Variants in ANAPC15 observed in about 807,000 individuals in gnomAD.
ANAPC15 encodes the protein anaphase-promoting complex subunit 15.
Under a neutral mutation model 19.8 loss-of-function variants are expected in ANAPC15, and 13 were observed. That is an observed-to-expected ratio of 0.66 (90% CI 0.43 to 1.04). ANAPC15 has a LOEUF of 1.04. Among genes scored for constraint, ANAPC15 ranks in the 50% least tolerant of loss-of-function variants. The pLI, the probability that ANAPC15 is intolerant of heterozygous loss-of-function variation, is 0.00. For synonymous variants in ANAPC15, 45 were observed against 50.7 expected (o/e 0.89, Z 0.47); for missense variants, 88 against 150.3 (o/e 0.59, Z 2.17).
chr11:72,107,127 T>G, downstream of ANAPC15: 1 of 345,254 alleles, frequency 2.9e-6, no homozygotes, highest in Non-Finnish European at 5.2e-6. Context: ...ATTAGCCGGG[T>G]GTGGTGGTGA....
downstream of ANAPC15, chr11:72,108,834 G>A (rs1005768038): frequency 1.1e-5 from 17 of 1,550,420 alleles, no homozygotes; most frequent in Middle Eastern, 1.7e-4. Context: ...AGCTGTGGCC[G>A]CTACCGCTGC....
At chr11:72,108,140 A>G (rs547513437), downstream of ANAPC15, 4 of 1,473,710 alleles carry the variant, frequency 2.7e-6, no homozygotes, top group East Asian at 7.5e-5. Context: ...CATCTCCCCA[A>G]CCCAGATTTT....
In ANAPC15 at chr11:72,111,306, G is replaced by C; in HGVS notation, c.-10-20C>G. The C allele has an allele frequency of 6.4e-7, 1 of 1,554,618 alleles. No individual in the cohort carries two copies. The highest frequency in any genetic ancestry group is 8.9e-7 in the Non-Finnish European group (1 of 1,127,298). On this transcript the variant is annotated intron_variant, in intron 2 of 5. Coordinates refer to ENST00000227618, the MANE Select transcript of ANAPC15 (RefSeq NM_014042.3). The stretch of plus-strand genomic sequence containing the variant: ...CCTAGACTGAGGGAAAGGGTCAAGT[G>C]AATGTGTTTTGCTTTGTTTTTGTTT...
chr11:72,108,531 C>G (rs919030245), downstream of ANAPC15: 15 of 1,349,842 alleles, frequency 1.1e-5, no homozygotes, highest in African/African-American at 1.5e-5. Flanking sequence ...ATGAAGTAAG[C>G]CAGATCCTGG....
chr11:72,110,485 G>A (rs1946471430), intron 4 of ANAPC15, 59 bp downstream of exon 4: 1 of 1,605,504 alleles, frequency 6.2e-7, no homozygotes, highest in South Asian at 1.1e-5. Context: ...TTCAGAATTA[G>A]AGCAGAGCCT....
chr11:72,107,990 T>G, downstream of ANAPC15: 2 of 1,551,754 alleles, frequency 1.3e-6, no homozygotes, highest in Non-Finnish European at 1.7e-6. Context: ...GAACCTACTG[T>G]GGATACTCTA....
In ANAPC15 at chr11:72,109,780, C is replaced by T; in HGVS notation, c.*101G>A. On this transcript the variant is annotated 3_prime_UTR_variant, in exon 6 of 6. Coordinates refer to ENST00000227618, the MANE Select transcript of ANAPC15 (RefSeq NM_014042.3). ...AGGTGCCCAAGGGCACTTTCAGGCA[C>T]TGGGGCCATCAGCTGGTTCTGTGGG... 2 of 1,485,456 alleles carry T rather than the reference C, an allele frequency of 1.3e-6. No homozygotes were observed. The highest frequency in any genetic ancestry group is 2.3e-5 in the East Asian group (1 of 44,300). The allele number at this position is 1,485,456 out of a possible 1,614,324, so 92.0% of individuals were successfully genotyped here.
chr11:72,110,442 G>A lies in ANAPC15; in HGVS notation c.180+102C>T, dbSNP rs1435647188. On this transcript the variant is annotated intron_variant, in intron 4 of 5. Coordinates refer to ENST00000227618, the MANE Select transcript of ANAPC15 (RefSeq NM_014042.3). ...CTTTTAGGCTTTTACCCAGATCTGAGAACCACAACTGCTCTGGGTCAGAGA... is the reference window on the plus strand; with the variant it reads ...CTTTTAGGCTTTTACCCAGATCTGAAAACCACAACTGCTCTGGGTCAGAGA... 1.4e-5 allele frequency: 22 copies of A among 1,559,466 alleles called. No homozygotes were observed. The East Asian group carries it at 4.7e-4, about 33-fold the overall frequency.
chr11:72,107,415 A>G (rs769242123), downstream of ANAPC15: 10 of 700,694 alleles, frequency 1.4e-5, no homozygotes, highest in Non-Finnish European at 2.6e-5. Context: ...CTTCATGGAG[A>G]AAGAGCAACA....
downstream of ANAPC15, chr11:72,109,570 T>C (rs879214664): frequency 1.2e-5 from 6 of 481,722 alleles, no homozygotes; most frequent in South Asian, 2.1e-5. Context: ...CACCAACAAA[T>C]AGGGAATAGA....
chr11:72,106,995 G>A (rs1470074357), downstream of ANAPC15: 1 of 164,650 alleles, frequency 6.1e-6, no homozygotes, highest in Non-Finnish European at 1.3e-5. Flanking sequence ...GCTGGGCATG[G>A]TGGCTCATGC....
chr11:72,106,421 A>G, downstream of ANAPC15: 1 of 528,312 alleles, frequency 1.9e-6, no homozygotes. Flanking sequence ...GGAATGTGCT[A>G]GGTGCCAGGG....
downstream of ANAPC15, chr11:72,108,858 C>T: frequency 6.4e-7 from 1 of 1,550,702 alleles, no homozygotes; most frequent in Non-Finnish European, 8.7e-7. Flanking sequence ...CTCCACCACA[C>T]TGGCCTTCCA....
downstream of ANAPC15, chr11:72,107,909 A>G (rs1945854120): frequency 2.6e-6 from 4 of 1,551,486 alleles, no homozygotes; most frequent in African/African-American, 5.5e-5. Context: ...TGCAACAGCC[A>G]TCTCCCCTCA....
downstream of ANAPC15, chr11:72,107,942 G>GGTGGAGGAGAAGGCCCCTGCTTGT (rs1945858446): frequency 2.6e-6 from 4 of 1,551,608 alleles, no homozygotes; most frequent in Non-Finnish European, 3.5e-6. Flanking sequence ...TGATGCGGCT[G>GGTGGAGGAGAAGGCCCCTGCTTGT]GTGGAGGAGA....
At chr11:72,106,958 GAAAAA>G (rs1945749777), downstream of ANAPC15, 1 of 136,624 alleles carries the variant, frequency 7.3e-6, no homozygotes, top group South Asian at 2.3e-4. Flanking sequence ...AAAAAAAAAA[GAAAAA>G]GAAAAGAAAA....
chr11:72,108,472 G>A (rs1945954510), downstream of ANAPC15: 1 of 740,650 alleles, frequency 1.4e-6, no homozygotes, highest in African/African-American at 1.8e-5. Context: ...AGGTTCTGAG[G>A]TCAGAGGAAA....
chr11:72,112,542 C>T (rs1591211486), intron 1 of ANAPC15, 108 bp downstream of exon 1: 1 of 390,194 alleles, frequency 2.6e-6, no homozygotes. Flanking sequence ...GGGTTAAGGA[C>T]TCTCAATATG....
At chr11:72,108,957 AC>A, downstream of ANAPC15, 1 of 1,306,488 alleles carries the variant, frequency 7.7e-7, no homozygotes. Context: ...ACTGATGCCC[AC>A]CCCCACCCCC....
Sources: allele counts gnomAD v4.1 joint callset, GRCh38; gene constraint gnomAD v4.1.1; transcripts MANE v1.5; gene names NCBI Gene and HGNC (gene_info 2026-07-23, HGNC 2026-07-21).